Variants in MEGF9 observed in about 807,000 individuals in gnomAD.
The protein encoded by MEGF9 is multiple EGF like domains 9, also known as multiple epidermal growth factor-like domains protein 9.
MEGF9 carries 6 observed loss-of-function variants against 46.8 expected under a neutral mutation model. The ratio of observed to expected loss-of-function variants is 0.13; its 90% CI spans 0.07 to 0.25. MEGF9 has a LOEUF of 0.25. Among genes scored for constraint, MEGF9 ranks in the 10% least tolerant of loss-of-function variants. The pLI is 1.00. For missense variants in MEGF9, 683 were observed against 792.4 expected (o/e 0.86, Z 1.66); for synonymous variants, 302 against 330.7 (o/e 0.91, Z 0.94).
chr9:120,639,865 G>A (rs1179235459), intron 2 of MEGF9, among the ~76,000 whole-genome samples: 7 of 152,088 alleles, frequency 4.6e-5, no homozygotes, highest in Admixed American at 4.6e-4. Flanking sequence ...ACATATAAGT[G>A]AAAGGTTCAA....
At chr9:120,704,985 A>AT (rs544377110) in intron 1 of MEGF9, among the ~76,000 whole-genome samples, 18 of 151,406 alleles carry the variant, frequency 1.2e-4, no homozygotes, top group African/African-American at 3.9e-4. Context: ...AAAGTTCTTG[A>AT]TTTTTTTTTA....
Position 120,605,139 on chromosome 9 carries a change from CTCTG to C in MEGF9, c.*47_*50del. The C allele has an allele frequency of 6.5e-7, 1 of 1,531,960 alleles. No homozygotes were observed. The highest frequency in any genetic ancestry group is 8.8e-7 in the Non-Finnish European group (1 of 1,136,508). 94.9% of individuals were successfully genotyped at this position (1,531,960 alleles called of 1,614,324 possible). A position where few individuals can be genotyped will look rare whatever the true frequency, so the allele number is the denominator to read the frequency against. Reference sequence around the variant, plus strand: ...AGGCTTTGTCTGGCCCAGGGGCTGACTCTGTCTTAGCAAGCACTGTGGTTTAACA... The same window carrying C: ...AGGCTTTGTCTGGCCCAGGGGCTGACTCTTAGCAAGCACTGTGGTTTAACA... On this transcript the variant is annotated 3_prime_UTR_variant, in exon 6 of 6. Transcript: ENST00000373930. The surrounding 1 kb of genome is among the most constrained non-coding windows in gnomAD (Gnocchi z 4.0).
intron 1 of MEGF9, among the ~76,000 whole-genome samples, chr9:120,693,148 TTTTC>T (rs1435190864): frequency 6.6e-6 from 1 of 152,082 alleles, no homozygotes; most frequent in Non-Finnish European, 1.5e-5. Context: ...AAGCACACCC[TTTTC>T]TTTGTTACTT....
chr9:120,713,696 A>G (rs1381749430), intron 1 of MEGF9, 62 bp downstream of exon 1: 3 of 1,256,790 alleles, frequency 2.4e-6, no homozygotes, highest in African/African-American at 1.5e-5. Flanking sequence ...CAAGAGCCCA[A>G]CCCTAGATTG....
intron 2 of MEGF9, among the ~76,000 whole-genome samples, chr9:120,626,536 G>A (rs748178748): frequency 3.2e-4 from 48 of 152,146 alleles, no homozygotes; most frequent in Admixed American, 1.3e-3. Flanking sequence ...ATTCACTGGT[G>A]TATCATCTCA....
chr9:120,669,847 G>A (rs1209465079), intron 1 of MEGF9, among the ~76,000 whole-genome samples: 3 of 152,138 alleles, frequency 2.0e-5, no homozygotes, highest in African/African-American at 7.2e-5. Flanking sequence ...CTCAGAAATT[G>A]ATATCAGAAA....
chr9:120,671,504 CATAA>C (rs2043749559), intron 1 of MEGF9, among the ~76,000 whole-genome samples: 1 of 152,190 alleles, frequency 6.6e-6, no homozygotes, highest in Non-Finnish European at 1.5e-5. Flanking sequence ...ACTCTATGCA[CATAA>C]ATTCAACAAC....
intron 2 of MEGF9, 58 bp from the exon 3 acceptor site, chr9:120,622,813 G>T: frequency 6.3e-7 from 1 of 1,575,384 alleles, no homozygotes; most frequent in Non-Finnish European, 8.7e-7. Context: ...GTTGTATTGA[G>T]TAACACCCCA....
intron 2 of MEGF9, among the ~76,000 whole-genome samples, chr9:120,644,144 C>T (rs988671814): frequency 6.6e-6 from 1 of 152,208 alleles, no homozygotes; most frequent in Non-Finnish European, 1.5e-5. Context: ...TTCCAGAATC[C>T]AATCTAGGAT....
At chr9:120,680,390 C>T (rs781001852) in intron 1 of MEGF9, among the ~76,000 whole-genome samples, 6 of 152,114 alleles carry the variant, frequency 3.9e-5, no homozygotes, top group Admixed American at 2.0e-4. Flanking sequence ...ATACAGGTAC[C>T]GCCTTGTTGG....
intron 1 of MEGF9, among the ~76,000 whole-genome samples, chr9:120,687,597 C>A (rs1462121194): frequency 6.6e-6 from 1 of 150,870 alleles, no homozygotes; most frequent in Non-Finnish European, 1.5e-5. Context: ...ATAGAAAAAT[C>A]TCAATAAAAT....
intron 2 of MEGF9, among the ~76,000 whole-genome samples, chr9:120,644,797 C>T (rs889747932): frequency 1.2e-4 from 19 of 152,270 alleles, no homozygotes; most frequent in Non-Finnish European, 2.2e-4. Context: ...GTAATAATGT[C>T]AGAAGCATTT....
At chr9:120,621,426 T>C (rs2043498890) in intron 3 of MEGF9, among the ~76,000 whole-genome samples, 1 of 152,236 alleles carries the variant, frequency 6.6e-6, no homozygotes. Flanking sequence ...TAACTTTGTC[T>C]TCACTGTGTA....
At chr9:120,686,014 G>A (rs2043820573) in intron 1 of MEGF9, among the ~76,000 whole-genome samples, 1 of 151,512 alleles carries the variant, frequency 6.6e-6, no homozygotes, top group African/African-American at 2.4e-5. Context: ...ATCTAAAGTA[G>A]TCAAATTCAC....
intron 2 of MEGF9, among the ~76,000 whole-genome samples, chr9:120,631,969 C>G (rs1300190483): frequency 6.6e-6 from 1 of 151,898 alleles, no homozygotes; most frequent in African/African-American, 2.4e-5. Context: ...CACTCTGTCG[C>G]CAGGCTGGAG....
At chr9:120,648,641 T>C (rs369213624) in intron 2 of MEGF9, among the ~76,000 whole-genome samples, 63 of 152,330 alleles carry the variant, frequency 4.1e-4, no homozygotes, top group African/African-American at 1.2e-3. Flanking sequence ...GCAATGTCTT[T>C]TTAAAAATAA....
intron 2 of MEGF9, among the ~76,000 whole-genome samples, chr9:120,657,956 G>C (rs1301024244): frequency 2.0e-5 from 3 of 151,764 alleles, no homozygotes; most frequent in Non-Finnish European, 4.4e-5. Context: ...TGCTGCATTT[G>C]AAATTATAAA....
chr9:120,661,091 A>G (rs2132323426), intron 1 of MEGF9, among the ~76,000 whole-genome samples: 1 of 152,334 alleles, frequency 6.6e-6, no homozygotes, highest in East Asian at 1.9e-4. Flanking sequence ...CACAAGTCAA[A>G]ACAAAAGATT....
At chr9:120,706,980 C>T (rs890832514) in intron 1 of MEGF9, among the ~76,000 whole-genome samples, 2 of 152,130 alleles carry the variant, frequency 1.3e-5, no homozygotes, top group African/African-American at 4.8e-5. Context: ...AAAATGGTTT[C>T]CTACTCTTCT....
Sources: allele counts gnomAD v4.1 joint callset (sites outside exome capture counted in the v4.1 genomes callset), GRCh38; gene constraint gnomAD v4.1.1; non-coding constraint Gnocchi (gnomAD v3.1); transcripts MANE v1.5; gene names NCBI Gene and HGNC (gene_info 2026-07-23, HGNC 2026-07-21).